PCGF3: variants seen among roughly 807,000 people sequenced by gnomAD.
The protein encoded by PCGF3 is polycomb group RING finger protein 3.
A neutral mutation model predicts 33.1 loss-of-function variants in PCGF3; 7 were observed. The ratio of observed to expected loss-of-function variants is 0.21; its 90% CI spans 0.12 to 0.40. PCGF3 has a LOEUF of 0.40. Ranked by LOEUF, PCGF3 falls within the 10% of genes least tolerant of loss-of-function variation. The pLI, the probability that PCGF3 is intolerant of heterozygous loss-of-function variation, is 1.00. For synonymous variants in PCGF3, 153 were observed against 121.3 expected, an observed-to-expected ratio of 1.26 and a Z score of -1.72; for missense variants, 211 against 313.3, an observed-to-expected ratio of 0.67 and a Z score of 2.46.
At chr4:752,468 C>T (rs1744564557) in intron 8 of PCGF3, among the ~76,000 whole-genome samples, 1 of 152,218 alleles carries the variant, frequency 6.6e-6, no homozygotes, top group African/African-American at 2.4e-5. Context: ...GGATGCACGG[C>T]CACAGCTGTT....
intron 10 of PCGF3, 63 bp downstream of exon 10, chr4:765,127 C>G (rs187952611): frequency 7.6e-5 from 89 of 1,169,566 alleles, no homozygotes; most frequent in Non-Finnish European, 1.0e-4. Context: ...CTGTGCATCT[C>G]TTATCTAAAA....
intron 8 of PCGF3, among the ~76,000 whole-genome samples, chr4:749,766 A>G (rs1241497595): frequency 6.6e-6 from 1 of 151,778 alleles, no homozygotes; most frequent in African/African-American, 2.4e-5. Context: ...CACTGCACCC[A>G]GCCTTGCTGA....
intron 1 of PCGF3, among the ~76,000 whole-genome samples, chr4:716,034 A>G (rs1315064486): frequency 7.7e-6 from 1 of 129,820 alleles, no homozygotes; most frequent in African/African-American, 2.9e-5. Context: ...GAGTGTGAGA[A>G]CTGGGCGTCG....
chr4:737,568 T>C, intron 6 of PCGF3, 47 bp downstream of exon 6: 1 of 1,223,518 alleles, frequency 8.2e-7, no homozygotes, highest in Non-Finnish European at 1.2e-6. Flanking sequence ...CAGCCTGGCC[T>C]CTGCAGCCCC....
intron 4 of PCGF3, chr4:734,155 C>T (rs1239684624): frequency 6.6e-7 from 1 of 1,506,822 alleles, no homozygotes. Flanking sequence ...GTGTTCTTCA[C>T]ACCTGATGTG....
intron 1 of PCGF3, among the ~76,000 whole-genome samples, chr4:715,587 T>C (rs371264435): frequency 3.9e-5 from 3 of 76,100 alleles, no homozygotes; most frequent in Non-Finnish European, 5.6e-5. Context: ...GTGGACACTG[T>C]GAGTGTGAGA....
chr4:731,584 C>CAGG (rs35758218), intron 3 of PCGF3, among the ~76,000 whole-genome samples: 2 of 90,514 alleles, frequency 2.2e-5, no homozygotes, highest in Admixed American at 1.1e-4. Context: ...GCGTGGTCCT[C>CAGG]GGGCATAGGG....
At chr4:756,596 T>TG (rs1041638356) in intron 8 of PCGF3, among the ~76,000 whole-genome samples, 18 of 152,200 alleles carry the variant, frequency 1.2e-4, no homozygotes, top group African/African-American at 4.1e-4. Flanking sequence ...AGAATTTTCA[T>TG]GTTTTTTTTA....
chr4:717,606 C>G (rs1742911266), intron 1 of PCGF3, among the ~76,000 whole-genome samples: 1 of 152,186 alleles, frequency 6.6e-6, no homozygotes, highest in Admixed American at 6.5e-5. Flanking sequence ...TCTCAAGCCC[C>G]TGACCTCGTG....
intron 1 of PCGF3, among the ~76,000 whole-genome samples, chr4:725,775 A>G (rs550436895): frequency 3.9e-5 from 6 of 152,066 alleles, no homozygotes; most frequent in African/African-American, 1.4e-4. Context: ...TTATTTGCCC[A>G]GGGGAAACCC....
chr4:730,209 G>A lies in PCGF3; in HGVS notation c.-189-421G>A, dbSNP rs368645698. ...GCCCTGTGCACAGCAGCAGAATTGC[G>A]GGCATCTCTTGGCTGCGTCGTGGAG... is the stretch of plus-strand genomic sequence containing the variant. On this transcript the variant is annotated intron_variant, in intron 1 of 10. Coordinates refer to ENST00000362003, the Ensembl canonical transcript of PCGF3. 2.5e-4 allele frequency among the ~76,000 whole-genome samples: 38 copies of A among 152,306 alleles called. No homozygotes were observed. In the East Asian group the frequency reaches 4.1e-3, roughly 16 times the overall value.
chr4:721,630 T>C lies in PCGF3; in HGVS notation c.-189-9000T>C, dbSNP rs1334851298. ...CAGAGAAGCTCCTGGTGAGCGGGGC[T>C]GCTGAACGCAGGCCCCAGGGCCTGT... On this transcript the variant is annotated intron_variant, in intron 1 of 10. Coordinates refer to ENST00000362003, the Ensembl canonical transcript of PCGF3. This position sits in a 1 kb window ranked among gnomAD's most constrained non-coding sequence, Gnocchi z 4.1. Among the ~76,000 whole-genome samples, 2 of 152,056 alleles carry C rather than the reference T, an allele frequency of 1.3e-5. No individual in the cohort carries two copies. The highest frequency in any genetic ancestry group is 2.9e-5 in the Non-Finnish European group (2 of 67,998).
chr4:742,585 AAGGTCACCCTT>A (rs1560209285), intron 6 of PCGF3, among the ~76,000 whole-genome samples: 1 of 152,092 alleles, frequency 6.6e-6, no homozygotes, highest in Non-Finnish European at 1.5e-5. Flanking sequence ...GGTGTGAACT[AAGGTCACCCTT>A]AGGGGGCCTT....
At chr4:768,735 C>T (rs1433279662) in exon 11 of PCGF3, 1 of 152,568 alleles carries the variant, frequency 6.6e-6, no homozygotes, top group Non-Finnish European at 1.5e-5. Flanking sequence ...AGCCTTCTAT[C>T]ATATTTTCCC....
chr4:737,425 T>G, intron 5 of PCGF3, 41 bp from the exon 6 acceptor site: 3 of 1,336,450 alleles, frequency 2.2e-6, no homozygotes, highest in Non-Finnish European at 3.2e-6. Context: ...ATTATAGAAT[T>G]AACATTTCCA....
chr4:717,895 C>G (rs536954822), intron 1 of PCGF3, among the ~76,000 whole-genome samples: 2 of 152,314 alleles, frequency 1.3e-5, no homozygotes, highest in East Asian at 3.9e-4. Context: ...CAGGGCCTGA[C>G]CTCGATGGCC....
intron 5 of PCGF3, among the ~76,000 whole-genome samples, chr4:735,796 A>G (rs950460242): frequency 1.3e-5 from 2 of 152,030 alleles, no homozygotes; most frequent in Admixed American, 6.5e-5. Context: ...GCCTGGACTC[A>G]CCCCTGGGCC....
chr4:755,932 T>TTG (rs1560215735), intron 8 of PCGF3, among the ~76,000 whole-genome samples: 1 of 112,582 alleles, frequency 8.9e-6, no homozygotes, highest in Non-Finnish European at 1.7e-5. Context: ...TTTTTTTTTT[T>TTG]GGAGATGGAG....
intron 7 of PCGF3, 108 bp from the exon 8 acceptor site, chr4:744,492 G>A (rs902039974): frequency 4.2e-5 from 34 of 815,664 alleles, no homozygotes; most frequent in Non-Finnish European, 5.6e-5. Flanking sequence ...GGGGTCCAGA[G>A]TCTCTTAATG....
Sources: gnomAD v4.1 joint callset for allele counts (sites outside exome capture counted in the v4.1 genomes callset) on GRCh38, gnomAD v4.1.1 for gene constraint, Gnocchi (gnomAD v3.1) non-coding constraint, MANE v1.5 for transcripts, NCBI Gene and HGNC (gene_info 2026-07-23, HGNC 2026-07-21) for gene names.